The following HMGN5 variants were observed in gnomAD, a reference collection of about 807,000 sequenced individuals.
The protein encoded by HMGN5 is high mobility group nucleosome-binding domain-containing protein 5.
A neutral mutation model predicts 9.5 loss-of-function variants in HMGN5; 4 were observed. That is an observed-to-expected ratio of 0.42 (90% CI 0.21 to 0.96). The LOEUF is 0.96. Among genes scored for constraint, HMGN5 ranks in the 40% least tolerant of loss-of-function variants. HMGN5 has a pLI of 0.30. For missense variants in HMGN5, 192 were observed against 187.5 expected, an observed-to-expected ratio of 1.02 and a Z score of -0.14; for synonymous variants, 55 against 57.1, an observed-to-expected ratio of 0.96 and a Z score of 0.16.
chrX:81,174,501 G>T (rs917451046), intron 1 of HMGN5, among the ~76,000 whole-genome samples: 15 of 111,422 alleles, frequency 1.3e-4, no homozygotes, highest in Non-Finnish European at 1.9e-5. Context: ...GGCATTCTGA[G>T]ATACTAAGGA....
chrX:81,137,111 G>A (rs1484297324), intron 1 of HMGN5, among the ~76,000 whole-genome samples: 1 of 111,165 alleles, frequency 9.0e-6, no homozygotes, highest in East Asian at 2.8e-4. Flanking sequence ...GAAGTCCCCA[G>A]CTATACTTGT....
intron 1 of HMGN5, among the ~76,000 whole-genome samples, chrX:81,186,991 T>C (rs2075479346): frequency 1.8e-5 from 2 of 112,032 alleles, no homozygotes; most frequent in South Asian, 7.3e-4. Context: ...TTAATTTCCA[T>C]GTGTTTTTAT....
intron 1 of HMGN5, among the ~76,000 whole-genome samples, chrX:81,158,976 A>C (rs757822904): frequency 8.9e-6 from 1 of 111,779 alleles, no homozygotes; most frequent in Non-Finnish European, 1.9e-5. Context: ...GAGACATGGA[A>C]TCAACCCAAA....
In HMGN5 at chrX:81,114,708, C is replaced by G. The variant is rs1187263955; in HGVS notation, c.790G>C (p.Glu264Gln). The G allele has an allele frequency of 2.6e-6, 3 of 1,156,754 alleles. No homozygotes were observed. The East Asian group carries it at 9.8e-5, about 38-fold the overall frequency. The stretch of plus-strand genomic sequence containing the variant: ...TCATCTTCTTTGATCTCATCTTCCT[C>G]TTTTCCTTCTTCCTCTTCTTTTAAA... ...EDLKEEEEGK[E>Q]EDEIKEDDGK... Residue 264 changes from glutamate (E) to glutamine (Q), a missense_variant, in exon 7 of 7, where the codon GAG becomes CAG. Glu to Gln is a conservative substitution (Grantham distance 29). Transcript: ENST00000358130.
chrX:81,159,706 A>C (rs1377076031), intron 1 of HMGN5, among the ~76,000 whole-genome samples: 1 of 109,661 alleles, frequency 9.1e-6, no homozygotes, highest in Non-Finnish European at 1.9e-5. Context: ...TTTTTGATAG[A>C]GACAGTGTCT....
At chrX:81,174,747 T>C (rs2075436483) in intron 1 of HMGN5, among the ~76,000 whole-genome samples, 1 of 111,669 alleles carries the variant, frequency 9.0e-6, no homozygotes, top group Non-Finnish European at 1.9e-5. Flanking sequence ...AAATACACAC[T>C]GCTTGCCATA....
chrX:81,145,498 G>A (rs1171564460), intron 1 of HMGN5, among the ~76,000 whole-genome samples: 1 of 111,990 alleles, frequency 8.9e-6, no homozygotes, highest in Non-Finnish European at 1.9e-5. Flanking sequence ...GCTCTGGAAG[G>A]AAGTACTAAA....
chrX:81,173,360 A>G (rs2075432019), intron 1 of HMGN5, among the ~76,000 whole-genome samples: 1 of 111,398 alleles, frequency 9.0e-6, no homozygotes, highest in Admixed American at 9.5e-5. Context: ...TCTTGCTTTT[A>G]CATAAAGAAA....
chrX:81,127,450 A>C (rs1265037746), intron 1 of HMGN5, among the ~76,000 whole-genome samples: 2 of 112,042 alleles, frequency 1.8e-5, no homozygotes, highest in Non-Finnish European at 3.8e-5. Context: ...ATCTTTATTA[A>C]GAAAAATATT....
chrX:81,179,890 A>G (rs1173831489), intron 1 of HMGN5, among the ~76,000 whole-genome samples: 1 of 111,649 alleles, frequency 9.0e-6, no homozygotes, highest in East Asian at 2.8e-4. Context: ...GGCCTCAGAA[A>G]TAGCACCACA....
At chrX:81,180,725 A>G (rs1378370996) in intron 1 of HMGN5, among the ~76,000 whole-genome samples, 3 of 111,846 alleles carry the variant, frequency 2.7e-5, no homozygotes, top group African/African-American at 6.5e-5. Flanking sequence ...ATCACAAACT[A>G]TGCTACTATA....
At chrX:81,146,523 C>T (rs1191195135) in intron 1 of HMGN5, among the ~76,000 whole-genome samples, 2 of 111,315 alleles carry the variant, frequency 1.8e-5, no homozygotes, top group African/African-American at 3.3e-5. Flanking sequence ...TTTATAGCTC[C>T]AAATGCTCAC....
chrX:81,129,829 T>G (rs2075293858), intron 1 of HMGN5, among the ~76,000 whole-genome samples: 1 of 110,554 alleles, frequency 9.0e-6, no homozygotes, highest in African/African-American at 3.3e-5. Flanking sequence ...TCACCTAAAG[T>G]TTCTAAGTGA....
At chrX:81,134,007 G>A (rs769645982) in intron 1 of HMGN5, among the ~76,000 whole-genome samples, 9 of 111,510 alleles carry the variant, frequency 8.1e-5, no homozygotes, top group Non-Finnish European at 1.5e-4. Context: ...ATTATAATGA[G>A]CATAAAAATA....
intron 2 of HMGN5, among the ~76,000 whole-genome samples, chrX:81,121,320 G>A (rs778242170): frequency 9.0e-6 from 1 of 111,068 alleles, no homozygotes; most frequent in African/African-American, 3.3e-5. Context: ...TCCTTAAACA[G>A]AACACTCCAA....
intron 1 of HMGN5, among the ~76,000 whole-genome samples, chrX:81,174,523 G>C (rs985304023): frequency 9.0e-6 from 1 of 111,374 alleles, no homozygotes; most frequent in African/African-American, 3.3e-5. Flanking sequence ...TAAATATAAA[G>C]TTTGTCCTCA....
chrX:81,159,145 G>C (rs1201338087), intron 1 of HMGN5, among the ~76,000 whole-genome samples: 3 of 111,572 alleles, frequency 2.7e-5, no homozygotes, highest in African/African-American at 9.8e-5. Context: ...AGAAAACCAA[G>C]CACTGCATGT....
At chrX:81,146,201 C>A (rs2075343221) in intron 1 of HMGN5, among the ~76,000 whole-genome samples, 2 of 111,959 alleles carry the variant, frequency 1.8e-5, no homozygotes, top group South Asian at 7.4e-4. Flanking sequence ...AATACACATT[C>A]TTCTCAGCAC....
chrX:81,185,043 T>C (rs188466698), intron 1 of HMGN5, among the ~76,000 whole-genome samples: 1 of 111,927 alleles, frequency 8.9e-6, no homozygotes, highest in Non-Finnish European at 1.9e-5. Flanking sequence ...GTAATATAAT[T>C]TGAAGTCAGG....
Sources: allele counts gnomAD v4.1 joint callset (sites outside exome capture counted in the v4.1 genomes callset), GRCh38; gene constraint gnomAD v4.1.1; transcripts MANE v1.5; gene names NCBI Gene and HGNC (gene_info 2026-07-23, HGNC 2026-07-21).